Variants in TOX observed in about 807,000 individuals in gnomAD.
TOX encodes the protein thymocyte selection associated high mobility group box, also known as thymocyte selection-associated high mobility group box protein TOX.
In TOX, 11 loss-of-function variants were observed where a neutral mutation model predicts 53.7. The observed-to-expected ratio is 0.20, with a 90% confidence interval of 0.13 to 0.34. The LOEUF (loss-of-function observed/expected upper bound fraction) is 0.34. Ranked by LOEUF, TOX falls within the 10% of genes least tolerant of loss-of-function variation. The pLI is 1.00. For synonymous variants in TOX, 225 were observed against 245.3 expected (o/e 0.92, Z 0.77); for missense variants, 570 against 664.6 (o/e 0.86, Z 1.56).
chr8:58,880,996 A>T (rs1811374631), intron 3 of TOX, among the ~76,000 whole-genome samples: 1 of 151,976 alleles, frequency 6.6e-6, no homozygotes, highest in Non-Finnish European at 1.5e-5. Context: ...CCTCCTATAT[A>T]GGAGGCATTG....
chr8:59,104,922 A>C (rs1429033156), intron 1 of TOX, among the ~76,000 whole-genome samples: 1 of 152,134 alleles, frequency 6.6e-6, no homozygotes, highest in Non-Finnish European at 1.5e-5. Flanking sequence ...GTTCCATGAT[A>C]GTTATCTGTA....
chr8:58,904,036 A>C (rs912528680), intron 3 of TOX, among the ~76,000 whole-genome samples: 15 of 152,242 alleles, frequency 9.9e-5, no homozygotes, highest in African/African-American at 3.1e-4. Flanking sequence ...TTTAGCAATT[A>C]AGAAAGATTA....
intron 1 of TOX, among the ~76,000 whole-genome samples, chr8:59,100,897 T>G (rs551701256): frequency 3.2e-4 from 49 of 152,308 alleles, no homozygotes; most frequent in Non-Finnish European, 5.9e-4. Context: ...TTCCAAAGAT[T>G]TAAATATTTG....
intron 2 of TOX, among the ~76,000 whole-genome samples, chr8:58,948,730 CTT>C (rs1185050222): frequency 6.6e-6 from 1 of 151,948 alleles, no homozygotes; most frequent in African/African-American, 2.4e-5. Context: ...GTCATCTAGA[CTT>C]TTTCAATTCT....
intron 5 of TOX, among the ~76,000 whole-genome samples, chr8:58,827,530 T>G (rs557550540): frequency 1.9e-3 from 289 of 152,322 alleles, no homozygotes; most frequent in Non-Finnish European, 2.9e-3. Flanking sequence ...TGCCCTGCCC[T>G]GCAGTCCACT....
chr8:59,089,154 A>G (rs1033275089), intron 1 of TOX, among the ~76,000 whole-genome samples: 4 of 152,242 alleles, frequency 2.6e-5, no homozygotes, highest in African/African-American at 9.6e-5. Context: ...TAGACCTAGC[A>G]TATTTGTTTC....
At chr8:58,838,606 T>A (rs1209850057) in intron 4 of TOX, among the ~76,000 whole-genome samples, 3 of 151,998 alleles carry the variant, frequency 2.0e-5, no homozygotes, top group African/African-American at 7.3e-5. Flanking sequence ...CTTTTTCTCT[T>A]ACACTGTAAC....
chr8:58,841,799 C>G (rs945307916), intron 4 of TOX, among the ~76,000 whole-genome samples: 1 of 152,088 alleles, frequency 6.6e-6, no homozygotes, highest in African/African-American at 2.4e-5. Flanking sequence ...TCAATTATAC[C>G]TCAATAAAGC....
chr8:58,986,627 C>T (rs755380798), intron 1 of TOX, among the ~76,000 whole-genome samples: 4 of 152,110 alleles, frequency 2.6e-5, no homozygotes, highest in Non-Finnish European at 2.9e-5. Flanking sequence ...AGCAATGTCA[C>T]GTATTGTGCT....
chr8:58,933,315 G>A (rs942544411), intron 3 of TOX, among the ~76,000 whole-genome samples: 3 of 152,154 alleles, frequency 2.0e-5, no homozygotes, highest in Non-Finnish European at 4.4e-5. Flanking sequence ...CCAAAGTGGG[G>A]AGAAACAGAA....
At chr8:59,017,750 G>A (rs1047579501) in intron 1 of TOX, among the ~76,000 whole-genome samples, 4 of 152,072 alleles carry the variant, frequency 2.6e-5, no homozygotes, top group South Asian at 2.1e-4. Context: ...TTACAAACTC[G>A]GAACAGGTGT....
intron 3 of TOX, among the ~76,000 whole-genome samples, chr8:58,900,010 C>T (rs1811708676): frequency 6.6e-6 from 1 of 151,766 alleles, no homozygotes; most frequent in Non-Finnish European, 1.5e-5. Context: ...CCAAGATTAT[C>T]ATTTCAGGAG....
chr8:58,946,817 C>G (rs992168423), intron 2 of TOX, among the ~76,000 whole-genome samples: 5 of 152,004 alleles, frequency 3.3e-5, no homozygotes, highest in Admixed American at 6.6e-5. Flanking sequence ...ATCTGAGATA[C>G]AAAGAACCGA....
chr8:58,846,407 G>A (rs572389767), intron 4 of TOX, among the ~76,000 whole-genome samples: 114 of 152,176 alleles, frequency 7.5e-4, no homozygotes, highest in African/African-American at 2.5e-3. Flanking sequence ...TTGCTAGTTA[G>A]ATAAAGTAAC....
intron 1 of TOX, among the ~76,000 whole-genome samples, chr8:59,047,063 C>T (rs909147404): frequency 1.2e-4 from 18 of 152,018 alleles, no homozygotes; most frequent in Non-Finnish European, 2.5e-4. Flanking sequence ...GAGAATGTGT[C>T]CATGGAGAAA....
chr8:58,941,574 A>C (rs768978079), intron 2 of TOX, among the ~76,000 whole-genome samples: 6 of 152,212 alleles, frequency 3.9e-5, no homozygotes, highest in Non-Finnish European at 5.9e-5. Context: ...AACTGTTTCC[A>C]ATAAACAAAA....
intron 1 of TOX, among the ~76,000 whole-genome samples, chr8:59,092,291 C>CATTATATATATAT (rs1804629128): frequency 1.1e-5 from 1 of 94,996 alleles, no homozygotes; most frequent in African/African-American, 5.7e-5. Flanking sequence ...ATTATATATA[C>CATTATATATATAT]ATTATATATA....
At chr8:58,853,090 T>G (rs997412594) in intron 3 of TOX, among the ~76,000 whole-genome samples, 1 of 152,154 alleles carries the variant, frequency 6.6e-6, no homozygotes, top group East Asian at 1.9e-4. Flanking sequence ...ACAGCCCCCA[T>G]GTGTGCCCTG....
At chr8:58,980,645 G>C (rs1398315436) in intron 1 of TOX, among the ~76,000 whole-genome samples, 1 of 152,116 alleles carries the variant, frequency 6.6e-6, no homozygotes, top group Non-Finnish European at 1.5e-5. Context: ...CTACAAAGTG[G>C]AAGGGGAAAG....
Sources: gnomAD v4.1 joint callset for allele counts (sites outside exome capture counted in the v4.1 genomes callset) on GRCh38, gnomAD v4.1.1 for gene constraint, MANE v1.5 for transcripts, NCBI Gene and HGNC (gene_info 2026-07-23, HGNC 2026-07-21) for gene names.